PLD5: variants seen among roughly 807,000 people sequenced by gnomAD.
PLD5 encodes the protein phospholipase D family member 5.
Under a neutral mutation model 61.1 loss-of-function variants are expected in PLD5, and 36 were observed. That is an observed-to-expected ratio of 0.59 (90% CI 0.45 to 0.78). The LOEUF is 0.78. PLD5 is among the 30% of genes least tolerant of loss of function. PLD5 has a pLI of 0.00. For synonymous variants in PLD5, 243 were observed against 242.8 expected, an observed-to-expected ratio of 1.00 and a Z score of -0.01; for missense variants, 515 against 644.4, an observed-to-expected ratio of 0.80 and a Z score of 2.17.
At chr1:242,444,704 A>ATATATGTAATTATATTT (rs1381275787) in intron 1 of PLD5, among the ~76,000 whole-genome samples, 63 of 5,604 alleles carry the variant, frequency 0.011, no homozygotes, top group Admixed American at 0.02. Flanking sequence ...TATAAATATT[A>ATATATGTAATTATATTT]TATTATATAA....
At chr1:242,394,068 AT>A in intron 1 of PLD5, among the ~76,000 whole-genome samples, 1 of 140,426 alleles carries the variant, frequency 7.1e-6, no homozygotes, top group African/African-American at 2.8e-5. Context: ...AAAAAAAAAC[AT>A]ATATATATAT....
chr1:242,196,296 C>T (rs137860550), intron 5 of PLD5, among the ~76,000 whole-genome samples: 3,061 of 152,272 alleles, frequency 0.02, 57 homozygotes, highest in Middle Eastern at 0.054. Context: ...TGCCCTCACG[C>T]GCTGTCGGTA....
intron 1 of PLD5, among the ~76,000 whole-genome samples, chr1:242,445,451 C>A (rs1375674424): frequency 6.6e-6 from 1 of 152,178 alleles, no homozygotes; most frequent in African/African-American, 2.4e-5. Context: ...AAGTGATTCT[C>A]CTGCCTCAGC....
At chr1:242,342,543 C>G (rs552849923) in intron 2 of PLD5, among the ~76,000 whole-genome samples, 2 of 152,316 alleles carry the variant, frequency 1.3e-5, no homozygotes, top group East Asian at 3.9e-4. Flanking sequence ...AGGATGCATG[C>G]AACCTAAACT....
chr1:242,339,892 T>C (rs1237905310), intron 2 of PLD5, among the ~76,000 whole-genome samples: 1 of 152,146 alleles, frequency 6.6e-6, no homozygotes, highest in Non-Finnish European at 1.5e-5. Context: ...GGAAGGGATT[T>C]ACAACTGGAA....
chr1:242,212,422 G>A (rs569747302), intron 5 of PLD5, among the ~76,000 whole-genome samples: 112 of 152,314 alleles, frequency 7.4e-4, no homozygotes, highest in African/African-American at 2.5e-3. Context: ...CCATGCGAGC[G>A]GTGGGCAGAA....
intron 4 of PLD5, among the ~76,000 whole-genome samples, chr1:242,221,102 T>G (rs1670559884): frequency 6.6e-6 from 1 of 152,240 alleles, no homozygotes; most frequent in Non-Finnish European, 1.5e-5. Flanking sequence ...CTCAGACTAT[T>G]GTTAATGCCA....
chr1:242,209,307 A>G (rs1669644218), intron 5 of PLD5: 1 of 152,182 alleles, frequency 6.6e-6, no homozygotes, highest in East Asian at 1.9e-4. Flanking sequence ...CCCTGCAGCC[A>G]GGAATTCTAG....
At chr1:242,352,815 T>G (rs1356818477) in intron 1 of PLD5, among the ~76,000 whole-genome samples, 1 of 152,240 alleles carries the variant, frequency 6.6e-6, no homozygotes, top group Non-Finnish European at 1.5e-5. Flanking sequence ...ACATTTTTTA[T>G]GTATCTGTTA....
rs537094590 is a variant in PLD5, at chr1:242,373,392, C to T, written c.190-25150G>A. On this transcript the variant is annotated intron_variant, in intron 1 of 9. Coordinates refer to ENST00000536534, the MANE Select transcript of PLD5 (RefSeq NM_001372062.1). ...TCAACCATTGTGGAAGACAGTGTGG[C>T]GATTCCTCAAGGATCTAGAACTAGA... 2.4e-4 allele frequency among the ~76,000 whole-genome samples: 37 copies of T among 152,276 alleles called. No homozygotes were observed. The South Asian group carries it at 4.1e-3, about 17-fold the overall frequency.
At chr1:242,371,187 T>A (rs1661612756) in intron 1 of PLD5, among the ~76,000 whole-genome samples, 1 of 152,120 alleles carries the variant, frequency 6.6e-6, no homozygotes, top group African/African-American at 2.4e-5. Flanking sequence ...AGTGTTCAGT[T>A]TCTCCTTATT....
Position 242,317,380 on chromosome 1 carries a change from A to G in PLD5, c.327-28850T>C, listed in dbSNP as rs551568424. 5.2e-5 allele frequency among the ~76,000 whole-genome samples: 8 copies of G among 152,382 alleles called. No individual in the cohort carries two copies. In the East Asian group the frequency reaches 1.5e-3, roughly 29 times the overall value. ...CTGTTGTGAATGAACACACATATGC[A>G]TAACATTTAATAATTTTAAATTATC... On this transcript the variant is annotated intron_variant, in intron 2 of 9. Transcript: ENST00000536534.
At position 242,351,768 on chromosome 1, in the gene PLD5, T is replaced by G. The variant is rs565555789; in HGVS notation, c.190-3526A>C. Among the ~76,000 whole-genome samples the G allele has an allele frequency of 1.1e-3, 166 of 152,320 alleles. 5 individuals carry two copies. The South Asian group carries it at 0.033, about 30-fold the overall frequency. ...GTGACCTTTCTGAAAACTGGCTTGA[T>G]TACATATTTTGGTGATTATAAATTT... On this transcript the variant is annotated intron_variant, in intron 1 of 9. Transcript: ENST00000536534.
At chr1:242,293,320 C>T (rs573972923) in intron 2 of PLD5, among the ~76,000 whole-genome samples, 164 of 152,264 alleles carry the variant, frequency 1.1e-3, no homozygotes, top group South Asian at 4.1e-3. Context: ...GTCTTCCTTA[C>T]CCTTTCTACA....
intron 5 of PLD5, among the ~76,000 whole-genome samples, chr1:242,215,342 G>A (rs1472225505): frequency 6.6e-6 from 1 of 151,968 alleles, no homozygotes; most frequent in Non-Finnish European, 1.5e-5. Context: ...CCAAGGACAA[G>A]CCATAGTAAA....
intron 1 of PLD5, among the ~76,000 whole-genome samples, chr1:242,392,470 T>C (rs186303153): frequency 1.3e-5 from 2 of 152,324 alleles, no homozygotes; most frequent in East Asian, 3.9e-4. Context: ...GACAGCTTCC[T>C]GATGGTGCCG....
intron 6 of PLD5, among the ~76,000 whole-genome samples, chr1:242,121,284 C>T (rs2148724225): frequency 6.6e-6 from 1 of 152,174 alleles, no homozygotes; most frequent in South Asian, 2.1e-4. Context: ...AGGTGATCTT[C>T]AGAGTCTAAT....
chr1:242,374,688 C>T (rs1276131815), intron 1 of PLD5, among the ~76,000 whole-genome samples: 2 of 152,204 alleles, frequency 1.3e-5, no homozygotes, highest in Non-Finnish European at 2.9e-5. Context: ...AGAAACGTTA[C>T]ACAGAGAGGC....
intron 5 of PLD5, among the ~76,000 whole-genome samples, chr1:242,148,764 T>G (rs78922246): frequency 0.012 from 1,875 of 152,056 alleles, 115 homozygotes; most frequent in Admixed American, 0.11. Flanking sequence ...AATTTCTAAT[T>G]GCTCATGCTA....
Sources: gnomAD v4.1 joint callset for allele counts (sites outside exome capture counted in the v4.1 genomes callset) on GRCh38, gnomAD v4.1.1 for gene constraint, MANE v1.5 for transcripts, NCBI Gene and HGNC (gene_info 2026-07-23, HGNC 2026-07-21) for gene names.